The following MYO3A variants were observed in gnomAD, a reference collection of about 807,000 sequenced individuals.
The protein encoded by MYO3A is myosin-IIIa.
In MYO3A, 180 loss-of-function variants were observed where a neutral mutation model predicts 192.7. The observed-to-expected ratio is 0.93, with a 90% CI of 0.83 to 1.06. MYO3A has a LOEUF of 1.06. Among genes scored for constraint, MYO3A ranks in the 50% least tolerant of loss-of-function variants. The probability of loss-of-function intolerance (pLI) is 0.00; values close to 1 mark genes in which losing one functional copy is unlikely to be tolerated. For synonymous variants in MYO3A, 628 were observed against 645.3 expected (o/e 0.97, Z 0.41); for missense variants, 1,896 against 1,905.0 (o/e 1.00, Z 0.09).
intron 4 of MYO3A, among the ~76,000 whole-genome samples, chr10:25,962,474 G>A (rs1259768170): frequency 2.0e-5 from 3 of 152,112 alleles, no homozygotes; most frequent in African/African-American, 7.2e-5. Flanking sequence ...ACATCTACGG[G>A]GAGTTTTGTT....
intron 3 of MYO3A, among the ~76,000 whole-genome samples, chr10:25,953,303 A>T (rs1837326351): frequency 6.6e-6 from 1 of 151,636 alleles, no homozygotes; most frequent in Non-Finnish European, 1.5e-5. Context: ...TTGATAGTTT[A>T]TTTCTGCTAA....
chr10:25,989,571 A>T (rs1411243529), intron 4 of MYO3A, among the ~76,000 whole-genome samples: 1 of 152,192 alleles, frequency 6.6e-6, no homozygotes, highest in East Asian at 1.9e-4. Context: ...TAACATGAAG[A>T]TGATACTACC....
chr10:25,974,368 A>G (rs890145010), intron 4 of MYO3A, among the ~76,000 whole-genome samples: 1 of 152,176 alleles, frequency 6.6e-6, no homozygotes, highest in East Asian at 1.9e-4. Flanking sequence ...TGTTGCTCTC[A>G]TGGAGTTACC....
chr10:26,010,073 A>G (rs965296999), intron 6 of MYO3A, among the ~76,000 whole-genome samples: 9 of 152,350 alleles, frequency 5.9e-5, no homozygotes, highest in Middle Eastern at 3.4e-3. Flanking sequence ...TGCATAGTTC[A>G]TATGTCCAAA....
At chr10:26,119,993 A>T (rs1352293163) in intron 17 of MYO3A, among the ~76,000 whole-genome samples, 1 of 129,998 alleles carries the variant, frequency 7.7e-6, no homozygotes, top group Non-Finnish European at 1.7e-5. Flanking sequence ...CTGTCTCTAT[A>T]AAATACCAAA....
chr10:26,052,534 G>A (rs1320886944), intron 10 of MYO3A, among the ~76,000 whole-genome samples: 1 of 152,158 alleles, frequency 6.6e-6, no homozygotes, highest in Non-Finnish European at 1.5e-5. Context: ...ATCTCCTAGG[G>A]CACACCAGGG....
chr10:25,951,050 A>G (rs1008058645), intron 2 of MYO3A, among the ~76,000 whole-genome samples: 8 of 152,128 alleles, frequency 5.3e-5, no homozygotes, highest in African/African-American at 1.9e-4. Flanking sequence ...AAGTCACTTG[A>G]TCTCACTGAC....
chr10:25,994,323 C>CTTTA (rs1840274814), intron 4 of MYO3A, among the ~76,000 whole-genome samples: 1 of 152,150 alleles, frequency 6.6e-6, no homozygotes, highest in African/African-American at 2.4e-5. Flanking sequence ...TTATCAGAGA[C>CTTTA]TAGGATTGCA....
intron 4 of MYO3A, among the ~76,000 whole-genome samples, chr10:25,983,694 T>C (rs1000160864): frequency 9.2e-5 from 14 of 152,212 alleles, no homozygotes; most frequent in African/African-American, 3.4e-4. Context: ...GAGGGAATAA[T>C]TGAGGAAAAC....
intron 6 of MYO3A, among the ~76,000 whole-genome samples, chr10:26,009,199 G>T (rs1841452674): frequency 6.6e-6 from 1 of 150,684 alleles, no homozygotes; most frequent in African/African-American, 2.5e-5. Context: ...GACACAGGAA[G>T]GGGAACATCA....
intron 26 of MYO3A, among the ~76,000 whole-genome samples, chr10:26,162,050 A>G (rs1339685573): frequency 6.6e-6 from 1 of 152,262 alleles, no homozygotes; most frequent in African/African-American, 2.4e-5. Context: ...TTATGGAAAC[A>G]GGGCTTTAAA....
intron 6 of MYO3A, among the ~76,000 whole-genome samples, chr10:26,016,446 G>T (rs936779847): frequency 5.9e-5 from 9 of 152,178 alleles, no homozygotes; most frequent in Admixed American, 2.6e-4. Context: ...CAGGAAGAGG[G>T]CAGGGAGGAA....
Position 26,212,177 on chromosome 10 carries a change from C to G in MYO3A, c.*214C>G. ...GGAGCCCTCGGGAAACCTCCCCCGA[C>G]GCTCTCTCTCGGAACTCCCGCACCC... On this transcript the variant is annotated 3_prime_UTR_variant, in exon 35 of 35. Transcript: ENST00000642920. 3.1e-6 allele frequency: 2 copies of G among 644,030 alleles called. No individual in the cohort carries two copies. The highest frequency in any genetic ancestry group is 5.0e-6 in the Non-Finnish European group (2 of 396,198). The allele number at this position is 644,030 out of a possible 1,614,324, so 39.9% of individuals were successfully genotyped here.
intron 29 of MYO3A, 28 bp downstream of exon 29, chr10:26,170,567 T>A: frequency 6.3e-7 from 1 of 1,593,854 alleles, no homozygotes; most frequent in East Asian, 2.2e-5. Context: ...CTTATACCGT[T>A]GTAACATATA....
intron 12 of MYO3A, 27 bp from the exon 13 acceptor site, chr10:26,070,084 A>G (rs1345152693): frequency 4.6e-6 from 7 of 1,525,190 alleles, no homozygotes; most frequent in East Asian, 2.3e-5. Flanking sequence ...AAAAAGCCCT[A>G]CAAAATGTAT....
chr10:26,143,524 T>C lies in MYO3A; in HGVS notation c.2339T>C (p.Leu780Pro). 3.1e-6 allele frequency: 5 copies of C among 1,614,004 alleles called. No homozygotes were observed. Among genetic ancestry groups the C allele is most frequent in the Non-Finnish European group, 4.2e-6 (5 of 1,179,894 alleles). The change falls in exon 21 of 35, where the codon CTG becomes CCG. Residue 780 changes from leucine to proline, a missense_variant. Coordinates refer to ENST00000642920, the MANE Select transcript of MYO3A (RefSeq NM_017433.5). The part of the protein sequence containing the change: ...EDNWPLLDMF[L>P]QKPMGLLSLL... ...AACTGGCCCCTCTTAGATATGTTTC[T>C]GCAAAAGCCAATGGGTTTACTTTCC...
chr10:25,944,113 G>C (rs1323064572), intron 2 of MYO3A, among the ~76,000 whole-genome samples: 1 of 151,922 alleles, frequency 6.6e-6, no homozygotes, highest in East Asian at 1.9e-4. Context: ...TTGAAAGGGT[G>C]TTGAATTTTG....
intron 31 of MYO3A, among the ~76,000 whole-genome samples, chr10:26,183,007 C>T (rs1373404821): frequency 6.6e-6 from 1 of 152,116 alleles, no homozygotes; most frequent in Non-Finnish European, 1.5e-5. Context: ...AACGAACTGG[C>T]TTTTGAGGAC....
intron 21 of MYO3A, among the ~76,000 whole-genome samples, chr10:26,145,115 G>T (rs1240638957): frequency 6.6e-6 from 1 of 151,110 alleles, no homozygotes; most frequent in Admixed American, 6.6e-5. Context: ...GGAGGTGGAG[G>T]TTGCAGTGAG....
Sources: gnomAD v4.1 joint callset for allele counts (sites outside exome capture counted in the v4.1 genomes callset) on GRCh38, gnomAD v4.1.1 for gene constraint, MANE v1.5 for transcripts, NCBI Gene and HGNC (gene_info 2026-07-23, HGNC 2026-07-21) for gene names.